Variants in IL17RE observed in about 807,000 individuals in gnomAD.
The protein encoded by IL17RE is interleukin-17 receptor E.
IL17RE carries 47 observed loss-of-function variants against 70.7 expected under a neutral mutation model. The ratio of observed to expected loss-of-function variants is 0.67; its 90% CI spans 0.53 to 0.85. The LOEUF (loss-of-function observed/expected upper bound fraction) is 0.85, where lower values mean the gene tolerates loss of function less well. IL17RE is among the 40% of genes least tolerant of loss of function. The probability of loss-of-function intolerance (pLI) is 0.00; values close to 1 mark genes in which losing one functional copy is unlikely to be tolerated. For missense variants in IL17RE, 850 were observed against 893.9 expected (o/e 0.95, Z 0.63); for synonymous variants, 372 against 381.2 (o/e 0.98, Z 0.28).
chr3:9,914,354 G>C (rs2082960553), intron 13 of IL17RE, 194 bp from the exon 14 acceptor site: 1 of 1,420,944 alleles, frequency 7.0e-7, no homozygotes, highest in South Asian at 1.5e-5. Context: ...TTTTGAGTTT[G>C]GCCCCTGTCA....
chr3:9,912,725 G>A (rs1453746795), intron 12 of IL17RE, among the ~76,000 whole-genome samples: 1 of 152,172 alleles, frequency 6.6e-6, no homozygotes, highest in Non-Finnish European at 1.5e-5. Context: ...ACCAAGTCAC[G>A]CTTAAGATGG....
chr3:9,906,552 A>AGTTG, intron 4 of IL17RE, 91 bp downstream of exon 4: 1 of 1,376,480 alleles, frequency 7.3e-7, no homozygotes, highest in Non-Finnish European at 1.0e-6. Context: ...TGTGAGACAG[A>AGTTG]AAGTGTGGAG....
chr3:9,911,726 T>C, intron 12 of IL17RE, 129 bp downstream of exon 12: 3 of 869,824 alleles, frequency 3.4e-6, no homozygotes. Flanking sequence ...TGGTTTACTT[T>C]ATTTACGTGA....
Position 9,911,278 on chromosome 3 carries a change from T to G in IL17RE, c.1050T>G (p.His350Gln). 6.2e-7 allele frequency: 1 copy of G among 1,614,192 alleles called. No homozygotes were observed. Among genetic ancestry groups the G allele is most frequent in the Non-Finnish European group, 8.5e-7 (1 of 1,180,036 alleles). ...AGTTCTCTTTTGGAAACAGCAGCCA[T>G]GTTGAATGCCCCCACCAGACTGGTG... ...CFKFSFGNSS[H>Q]VECPHQTGSL... Residue 350 changes from histidine (H) to glutamine (Q), a missense_variant, in exon 11 of 16, where the codon CAT becomes CAG. Transcript: ENST00000383814.
intron 15 of IL17RE, among the ~76,000 whole-genome samples, 195 bp downstream of exon 15, chr3:9,914,972 G>A (rs1275291747): frequency 6.6e-6 from 1 of 152,234 alleles, no homozygotes; most frequent in African/African-American, 2.4e-5. Flanking sequence ...TCACTGTACT[G>A]AGTCTCTGTA....
rs375537373 is a variant in IL17RE, at chr3:9,914,131, AC to A, written c.1296+108del. On this transcript the variant is annotated intron_variant, in intron 13 of 15. Transcript: ENST00000383814. ...TGCAAAAATGTTTGGTTTGGCCAGC[AC>A]AGTGTTTTAAATTGAAATTGCTTAC... 7.8e-4 allele frequency: 719 copies of A among 924,122 alleles called. 2 individuals are homozygous for A. In the African/African-American group the frequency reaches 0.011, roughly 14 times the overall value. The allele number at this position is 924,122 out of a possible 1,614,324, so 57.2% of individuals were successfully genotyped here.
At chr3:9,909,510 T>C (rs2125083667) in intron 8 of IL17RE, 1 of 558,398 alleles carries the variant, frequency 1.8e-6, no homozygotes, top group Admixed American at 3.2e-5. Context: ...AGCACCGCAG[T>C]ACTGTGAGAA....
intron 8 of IL17RE, chr3:9,909,509 G>A: frequency 1.8e-6 from 1 of 566,210 alleles, no homozygotes; most frequent in Non-Finnish European, 3.2e-6. Flanking sequence ...GAGCACCGCA[G>A]TACTGTGAGA....
At chr3:9,910,676 T>G (rs1298388552) in intron 8 of IL17RE, among the ~76,000 whole-genome samples, 189 bp from the exon 9 acceptor site, 2 of 152,114 alleles carry the variant, frequency 1.3e-5, no homozygotes, top group African/African-American at 2.4e-5. Flanking sequence ...CAGAGTGAGA[T>G]TCTATCTCAA....
chr3:9,915,175 T>G lies in IL17RE; in HGVS notation c.1448-76T>G. The G allele has an allele frequency of 7.5e-7, 1 of 1,338,322 alleles. No individual in the cohort carries two copies. 82.9% of individuals were successfully genotyped at this position (1,338,322 alleles called of 1,614,324 possible). ...GCGGAGAGGCGAGCACCCTACGGTA[T>G]CCCGAGAGGGTGGGGAGAAGAGGGC... is the stretch of plus-strand genomic sequence containing the variant. On this transcript the variant is annotated intron_variant, in intron 15 of 15. Transcript: ENST00000383814. This position sits in a 1 kb window ranked among gnomAD's most constrained non-coding sequence, Gnocchi z 4.9.
Position 9,915,638 on chromosome 3 carries a change from G to T in IL17RE, c.1835G>T (p.Arg612Leu). 1 of 1,410,122 alleles carries T rather than the reference G, an allele frequency of 7.1e-7. No individual in the cohort carries two copies. The highest frequency in any genetic ancestry group is 9.2e-7 in the Non-Finnish European group (1 of 1,087,286). The allele number at this position is 1,410,122 out of a possible 1,614,324, so 87.4% of individuals were successfully genotyped here. The change falls in exon 16 of 16, where the codon CGC becomes CTC. Residue 612 changes from arginine (R) to leucine (L), a missense_variant. By Grantham distance (102) the Arg-to-Leu change is moderately radical. Transcript: ENST00000383814. The surrounding 1 kb of genome is among the most constrained non-coding windows in gnomAD (Gnocchi z 4.9). The stretch of plus-strand genomic sequence containing the variant: ...CCCCCGCCGCTGCGCGCCCTGCCGC[G>T]CTACCGCCTGCTGCGCGACCTGCCG... ...DIPPPLRALP[R>L]YRLLRDLPRL... is the part of the protein sequence containing the mutation.
chr3:9,912,197 T>C (rs2082910375), intron 12 of IL17RE, among the ~76,000 whole-genome samples: 1 of 152,196 alleles, frequency 6.6e-6, no homozygotes, highest in Admixed American at 6.5e-5. Flanking sequence ...GAGAATCTAA[T>C]GCCTGATGAT....
rs372587810 is a variant in IL17RE at position 9,911,006 on chromosome 3, A to C, written c.944A>C (p.Asp315Ala). ...CACGACTGGCATACCCTTTGCAAAG[A>C]CCTCCCGAATGCCACAGCTCGAGAG... ...QRHDWHTLCK[D>A]LPNATARESD... Residue 315 changes from aspartate (D) to alanine (A), a missense_variant, in exon 9 of 16, where the codon GAC becomes GCC. Coordinates refer to ENST00000383814, the MANE Select transcript of IL17RE (RefSeq NM_153480.2). The C allele has an allele frequency of 1.9e-6, 3 of 1,613,662 alleles. No individual in the cohort carries two copies. The African/African-American group carries it at 4.0e-5, about 22-fold the overall frequency.
In IL17RE at chr3:9,914,014, G is replaced by C. The variant is rs61743354; in HGVS notation, c.1286G>C (p.Cys429Ser). The C allele has an allele frequency of 1.1e-5, 18 of 1,613,288 alleles. No individual in the cohort carries two copies. The African/African-American group carries it at 1.9e-4, about 17-fold the overall frequency. Reference sequence around the variant, plus strand: ...ATCATTCCCTTCCTGAGGCCAGGGTGCTGTGTCCTGGTAAGGAAACCTACC... The same window carrying C: ...ATCATTCCCTTCCTGAGGCCAGGGTCCTGTGTCCTGGTAAGGAAACCTACC... ...DLIIPFLRPG[C>S]CVLVWRSDVQ... The change falls in exon 13 of 16, where the codon TGC becomes TCC. Residue 429 changes from cysteine to serine, a missense_variant. Coordinates refer to ENST00000383814, the MANE Select transcript of IL17RE (RefSeq NM_153480.2).
chr3:9,909,269 G>T lies in IL17RE; in HGVS notation c.788G>T (p.Ser263Ile). 3.1e-6 allele frequency: 5 copies of T among 1,614,022 alleles called. No individual in the cohort carries two copies. The highest frequency in any genetic ancestry group is 4.2e-6 in the Non-Finnish European group (5 of 1,179,964). The change falls in exon 8 of 16, where the codon AGC becomes ATC. Residue 263 changes from serine (S) to isoleucine (I), a missense_variant. Physicochemically the swap from Ser to Ile is moderately radical, Grantham distance 142 (BLOSUM62 -2). Transcript: ENST00000383814. ...AGGCGCAAAAAATGTCCCTTCCAGAGCTGGCCAGAAGCCTGTGAGTGCTGT... is the reference window on the plus strand; with the variant it reads ...AGGCGCAAAAAATGTCCCTTCCAGATCTGGCCAGAAGCCTGTGAGTGCTGT... ...TVRRKKCPFQ[S>I]WPEAYGSDFW...
chr3:9,908,457 G>C, intron 7 of IL17RE, 150 bp downstream of exon 7: 2 of 687,640 alleles, frequency 2.9e-6, no homozygotes, highest in Non-Finnish European at 5.1e-6. Context: ...GCTTGGCTGT[G>C]AGCCACACAT....
rs1479765117 is a variant in IL17RE, at chr3:9,915,975, C to CG, written c.*169dup. The CG allele has an allele frequency of 8.2e-7, 1 of 1,215,322 alleles. No homozygotes were observed. Among genetic ancestry groups the CG allele is most frequent in the African/African-American group, 1.6e-5 (1 of 62,586 alleles). The allele number at this position is 1,215,322 out of a possible 1,614,324, so 75.3% of individuals were successfully genotyped here. ...GCCGGAAGTCCCAGCCCAGTCCCCG[C>CG]GCGCGTCCCTCTTCCTCCTCATACT... On this transcript the variant is annotated 3_prime_UTR_variant, in exon 16 of 16. Transcript: ENST00000383814. The surrounding 1 kb of genome is among the most constrained non-coding windows in gnomAD (Gnocchi z 4.9).
chr3:9,902,573 G>C, upstream of IL17RE: 2 of 1,491,148 alleles, frequency 1.3e-6, no homozygotes, highest in South Asian at 1.2e-5. Flanking sequence ...CTGATGGGTG[G>C]ATCAGATCTG....
upstream of IL17RE, chr3:9,902,581 C>T (rs1378442021): frequency 2.0e-6 from 3 of 1,516,194 alleles, no homozygotes; most frequent in Admixed American, 3.9e-5. Context: ...TGGATCAGAT[C>T]TGCAGTGTGT....
Sources: allele counts gnomAD v4.1 joint callset (sites outside exome capture counted in the v4.1 genomes callset), GRCh38; gene constraint gnomAD v4.1.1; non-coding constraint Gnocchi (gnomAD v3.1); transcripts MANE v1.5; gene names NCBI Gene and HGNC (gene_info 2026-07-23, HGNC 2026-07-21).